Variants in CSMD1 observed in about 807,000 individuals in gnomAD.
CSMD1 encodes CUB and sushi domain-containing protein 1.
CSMD1 carries 213 observed loss-of-function variants against 417.5 expected under a neutral mutation model. That is an observed-to-expected ratio of 0.51 (90% CI 0.46 to 0.57). CSMD1 has a LOEUF of 0.57. CSMD1 is among the 20% of genes least tolerant of loss of function. The pLI is 0.00. For synonymous variants in CSMD1, 2,862 were observed against 1,736.8 expected (o/e 1.65, Z -16.11); for missense variants, 6,923 against 4,529.7 (o/e 1.53, Z -15.17).
rs537299151 is a variant in CSMD1 at position 4,779,341 on chromosome 8, G to T, written c.86-141783C>A. 4.2e-4 allele frequency among the ~76,000 whole-genome samples: 64 copies of T among 152,140 alleles called. 1 individual carries two copies. The highest frequency in any genetic ancestry group is 2.0e-3 in the Admixed American group (30 of 15,276). On this transcript the variant is annotated intron_variant, in intron 1 of 69. Coordinates refer to ENST00000635120, the MANE Select transcript of CSMD1 (RefSeq NM_033225.6). ...TTAAAAAATCAAGGGAAACTAACTC[G>T]AACTGGCTCAAAGGATAATTTTTTA...
chr8:3,329,622 A>C (rs1006605456), intron 23 of CSMD1, among the ~76,000 whole-genome samples: 1 of 152,146 alleles, frequency 6.6e-6, no homozygotes, highest in Non-Finnish European at 1.5e-5. Context: ...CACAGGTTGG[A>C]GCTCAGGCTA....
chr8:3,365,906 G>C (rs767919379), intron 20 of CSMD1, among the ~76,000 whole-genome samples: 5 of 152,164 alleles, frequency 3.3e-5, no homozygotes, highest in Non-Finnish European at 7.3e-5. Context: ...TACAGCAGTA[G>C]AGCTGTTGTT....
rs79553133 is a variant in CSMD1, at chr8:4,922,546, T to C, written c.85+71786A>G. Among the ~76,000 whole-genome samples the C allele has an allele frequency of 2.1e-4, 32 of 152,310 alleles. No individual in the cohort carries two copies. In the East Asian group the frequency reaches 5.8e-3, roughly 28 times the overall value. On this transcript the variant is annotated intron_variant, in intron 1 of 69. Transcript: ENST00000635120. ...GGGCAAACCATTCACACCCTTTCAG[T>C]TTTTAAGTGCACATATTACATTTGT...
intron 3 of CSMD1, among the ~76,000 whole-genome samples, chr8:4,326,113 G>C (rs542120131): frequency 6.6e-6 from 1 of 152,118 alleles, no homozygotes; most frequent in Non-Finnish European, 1.5e-5. Flanking sequence ...AGAGCTCAGG[G>C]CCCTACCGTC....
At chr8:4,201,506 C>CCA (rs1799644263) in intron 3 of CSMD1, among the ~76,000 whole-genome samples, 1 of 132,780 alleles carries the variant, frequency 7.5e-6, no homozygotes, top group Non-Finnish European at 1.5e-5. Context: ...CCACTGCCGT[C>CCA]CGGCCTAGGT....
intron 3 of CSMD1, among the ~76,000 whole-genome samples, chr8:4,311,722 C>CAAAAAAAA (rs35480252): frequency 9.1e-5 from 10 of 110,278 alleles, no homozygotes; most frequent in East Asian, 3.6e-4. Flanking sequence ...GACTCAGTCT[C>CAAAAAAAA]AAAAAAAAAA....
intron 6 of CSMD1, among the ~76,000 whole-genome samples, chr8:3,749,345 G>A (rs149471530): frequency 6.6e-6 from 1 of 152,050 alleles, no homozygotes; most frequent in Non-Finnish European, 1.5e-5. Flanking sequence ...TACTACTTTT[G>A]TTCACAATGT....
chr8:2,938,725 A>G lies in CSMD1; in HGVS notation c.10555T>C (p.Tyr3519His). ...YKHRTRPKVQ[Y>H]NGYAGHENSN... ...TTTTCATGCCCAGCATAGCCATTGT[A>G]TTGAACTTTTGGTCTCGTTCTAAGG... is the stretch of plus-strand genomic sequence containing the variant. The change falls in exon 70 of 70, where the codon TAC becomes CAC. Residue 3519 changes from tyrosine to histidine, a missense_variant. Physicochemically the swap from Tyr to His is moderately conservative, Grantham distance 83. Transcript: ENST00000635120. 6.2e-7 allele frequency: 1 copy of G among 1,610,062 alleles called. No individual in the cohort carries two copies.
intron 2 of CSMD1, among the ~76,000 whole-genome samples, chr8:4,579,929 C>G (rs779007626): frequency 1.3e-5 from 2 of 152,138 alleles, no homozygotes; most frequent in African/African-American, 2.4e-5. Context: ...AGATGCATAG[C>G]TCGATTTCCT....
At chr8:4,437,985 C>G (rs536233868) in intron 2 of CSMD1, among the ~76,000 whole-genome samples, 14 of 152,218 alleles carry the variant, frequency 9.2e-5, no homozygotes, top group Admixed American at 2.6e-4. Flanking sequence ...TTGACAGAAA[C>G]CCAATAAAGT....
chr8:4,791,043 A>C (rs1191759794), intron 1 of CSMD1, among the ~76,000 whole-genome samples: 2 of 151,850 alleles, frequency 1.3e-5, no homozygotes, highest in African/African-American at 4.9e-5. Context: ...AGTAAATGGG[A>C]AACACAAGCT....
chr8:4,372,481 A>C (rs1413994649), intron 3 of CSMD1, among the ~76,000 whole-genome samples: 1 of 146,398 alleles, frequency 6.8e-6, no homozygotes, highest in Non-Finnish European at 1.5e-5. Context: ...AGTGTCACTT[A>C]AAACAACAAC....
intron 1 of CSMD1, among the ~76,000 whole-genome samples, chr8:4,720,866 T>C (rs1809006565): frequency 6.6e-6 from 1 of 152,146 alleles, no homozygotes. Flanking sequence ...AAAACCAAGA[T>C]CCTAGTGCCG....
At chr8:4,724,488 T>C (rs538227206) in intron 1 of CSMD1, among the ~76,000 whole-genome samples, 10 of 151,370 alleles carry the variant, frequency 6.6e-5, no homozygotes, top group African/African-American at 2.4e-4. Flanking sequence ...TTCATCTTTA[T>C]AAGTACTAAT....
chr8:4,874,421 G>C (rs1282665364), intron 1 of CSMD1, among the ~76,000 whole-genome samples: 2 of 117,562 alleles, frequency 1.7e-5, no homozygotes, highest in South Asian at 2.7e-4. Flanking sequence ...ACGGAGTCTT[G>C]CTCTGTCACC....
chr8:4,489,313 A>T (rs949134641), intron 2 of CSMD1, among the ~76,000 whole-genome samples: 3 of 152,340 alleles, frequency 2.0e-5, no homozygotes, highest in South Asian at 2.1e-4. Flanking sequence ...CAAAGATTCA[A>T]TGCATAAGGA....
chr8:4,103,701 A>C (rs1357963684), intron 3 of CSMD1, among the ~76,000 whole-genome samples: 1 of 152,144 alleles, frequency 6.6e-6, no homozygotes, highest in Non-Finnish European at 1.5e-5. Flanking sequence ...TGAATGCTTA[A>C]AACCCATGAT....
chr8:3,958,256 G>C (rs75562213), intron 5 of CSMD1, among the ~76,000 whole-genome samples: 2 of 150,996 alleles, frequency 1.3e-5, no homozygotes, highest in Non-Finnish European at 2.9e-5. Flanking sequence ...CCATCGTTTT[G>C]TAATATTACA....
At chr8:3,520,704 T>A (rs115834994) in intron 10 of CSMD1, among the ~76,000 whole-genome samples, 1,926 of 152,154 alleles carry the variant, frequency 0.013, 23 homozygotes, top group African/African-American at 0.031. Context: ...TACCTTCTGC[T>A]TGTTGCATGG....
Sources: allele counts gnomAD v4.1 joint callset (sites outside exome capture counted in the v4.1 genomes callset), GRCh38; gene constraint gnomAD v4.1.1; transcripts MANE v1.5; gene names NCBI Gene and HGNC (gene_info 2026-07-23, HGNC 2026-07-21).